The following TIAM2 variants were observed in gnomAD, a reference collection of about 807,000 sequenced individuals.
TIAM2 encodes the protein TIAM Rac1 associated GEF 2, also known as rho guanine nucleotide exchange factor TIAM2.
In TIAM2, 80 loss-of-function variants were observed where a neutral mutation model predicts 152.9. The observed-to-expected ratio is 0.52, with a 90% CI of 0.44 to 0.63. TIAM2 has a LOEUF of 0.63. TIAM2 is among the 30% of genes least tolerant of loss of function. TIAM2 has a pLI of 0.00. For missense variants in TIAM2, 1,965 were observed against 2,120.1 expected (o/e 0.93, Z 1.44); for synonymous variants, 804 against 838.0 (o/e 0.96, Z 0.70).
chr6:154,996,299 A>G (rs1448007094), intron 1 of TIAM2, among the ~76,000 whole-genome samples: 1 of 152,182 alleles, frequency 6.6e-6, no homozygotes, highest in East Asian at 1.9e-4. Flanking sequence ...ATAGACAAAT[A>G]GGTTAACTTT....
Position 155,183,440 on chromosome 6 carries a change from C to T in TIAM2, c.3004C>T (p.Pro1002Ser), listed in dbSNP as rs760994235. The T allele has an allele frequency of 2.5e-5, 40 of 1,613,974 alleles. No homozygotes were observed. Among genetic ancestry groups the T allele is most frequent in the African/African-American group, 1.2e-4 (9 of 74,896 alleles). Residue 1002 changes from proline (P) to serine (S), a missense_variant, in exon 14 of 27, where the codon CCT becomes TCT. Pro to Ser is a moderately conservative substitution (Grantham distance 74). Transcript: ENST00000682666. ...SRDQKSLLPP[P>S]NQSQLLEEFL... ...GGACCAGAAGAGTCTGCTGCCCCCT[C>T]CTAACCAGTCCCAACTGCTGGAGGA...
chr6:155,226,635 A>C (rs1455150163), intron 15 of TIAM2, among the ~76,000 whole-genome samples: 1 of 145,604 alleles, frequency 6.9e-6, no homozygotes, highest in Non-Finnish European at 1.5e-5. Context: ...ACTGCACTCC[A>C]GCCTGAGCAA....
chr6:155,119,849 G>A (rs939591585), intron 2 of TIAM2, among the ~76,000 whole-genome samples: 1 of 152,162 alleles, frequency 6.6e-6, no homozygotes, highest in African/African-American at 2.4e-5. Flanking sequence ...CAAGAATTTA[G>A]TTTCATGAAA....
chr6:155,063,611 G>A (rs1019869080), intron 1 of TIAM2, among the ~76,000 whole-genome samples: 3 of 151,890 alleles, frequency 2.0e-5, no homozygotes, highest in Non-Finnish European at 4.4e-5. Flanking sequence ...GTGAAACCCC[G>A]TCTCTACTAA....
chr6:155,153,944 T>G (rs1331781160), intron 7 of TIAM2, among the ~76,000 whole-genome samples: 1 of 152,160 alleles, frequency 6.6e-6, no homozygotes, highest in Non-Finnish European at 1.5e-5. Flanking sequence ...ACTTTTTACC[T>G]TCAGACACAA....
In TIAM2 at chr6:155,104,060, A is replaced by G. The variant is rs1314255866; in HGVS notation, c.-118+13681A>G. Among the ~76,000 whole-genome samples, 2 of 44,096 alleles carry G rather than the reference A, an allele frequency of 4.5e-5. 1 individual carries two copies. The highest frequency in any genetic ancestry group is 1.6e-4 in the African/African-American group (2 of 12,644). The allele number at this position is 44,096 out of a possible 152,430, so 28.9% of individuals were successfully genotyped here. ...CACACACCCCCCCCCCCACACCCCC[A>G]CACACCCCCACACACCAAATTAACA... On this transcript the variant is annotated intron_variant, in intron 2 of 26. Transcript: ENST00000682666.
chr6:155,068,908 G>T (rs1023263891), intron 1 of TIAM2, among the ~76,000 whole-genome samples: 9 of 151,858 alleles, frequency 5.9e-5, no homozygotes, highest in African/African-American at 2.2e-4. Context: ...ATAGCCCCTG[G>T]TAGCTGTTAG....
intron 14 of TIAM2, among the ~76,000 whole-genome samples, chr6:155,187,423 A>G (rs1245318736): frequency 6.6e-6 from 1 of 151,918 alleles, no homozygotes; most frequent in African/African-American, 2.4e-5. Context: ...ATTGATACTA[A>G]TAATGTTTAG....
In TIAM2 at chr6:155,182,287, C is replaced by T. The variant is rs759660331; in HGVS notation, c.2769C>T (p.Asp923=). 27 of 1,614,070 alleles carry T rather than the reference C, an allele frequency of 1.7e-5. No homozygotes were observed. The highest frequency in any genetic ancestry group is 1.6e-4 in the African/African-American group (12 of 74,938). The part of the protein sequence containing the change: ...RQHLSRIFIS[D]VLPDGLAYGE... ...ATCTCAGCCGGATATTTATAAGCGA[C>T]GTTCTTCCCGATGGCCTGGCGTATG... Residue 923 remains aspartate, a synonymous_variant, in exon 13 of 27, where the codon GAC becomes GAT. Coordinates refer to ENST00000682666, the MANE Select transcript of TIAM2 (RefSeq NM_012454.4).
chr6:155,168,337 A>G (rs746468555), intron 9 of TIAM2, among the ~76,000 whole-genome samples: 4 of 152,210 alleles, frequency 2.6e-5, no homozygotes, highest in South Asian at 2.1e-4. Context: ...GGTTAAAAGC[A>G]TATCAAGAAT....
At chr6:155,144,049 G>A (rs1053141022) in intron 5 of TIAM2, among the ~76,000 whole-genome samples, 3 of 152,178 alleles carry the variant, frequency 2.0e-5, no homozygotes, top group Non-Finnish European at 4.4e-5. Context: ...TCCCCTGCCT[G>A]CTCCTTTTCC....
At chr6:155,226,403 C>T (rs1782244938) in intron 15 of TIAM2, among the ~76,000 whole-genome samples, 1 of 152,144 alleles carries the variant, frequency 6.6e-6, no homozygotes, top group South Asian at 2.1e-4. Context: ...GGTGTGGTGG[C>T]TCACGCCTGT....
intron 1 of TIAM2, among the ~76,000 whole-genome samples, chr6:155,009,407 T>G (rs1213594803): frequency 2.0e-5 from 3 of 152,110 alleles, no homozygotes; most frequent in African/African-American, 7.2e-5. Flanking sequence ...TGGCCCTGAC[T>G]CAGAAGATCT....
chr6:155,033,567 A>G (rs1321242717), intron 1 of TIAM2, among the ~76,000 whole-genome samples: 2 of 152,070 alleles, frequency 1.3e-5, no homozygotes, highest in Non-Finnish European at 1.5e-5. Flanking sequence ...AAGCCGTGCC[A>G]AGTATGAGTT....
chr6:155,000,918 A>T (rs1778301581), intron 1 of TIAM2, among the ~76,000 whole-genome samples: 1 of 152,166 alleles, frequency 6.6e-6, no homozygotes, highest in African/African-American at 2.4e-5. Context: ...CGAGAGGTGG[A>T]GGTTGCAGTA....
In TIAM2 at chr6:155,137,735, A is replaced by G. The variant is rs376307075; in HGVS notation, c.1630+123A>G. ...ACATGAGGGGTTTGACACAGGATCCATGGGCTGCCTTCATGCAGATACTTT... is the reference window on the plus strand; with the variant it reads ...ACATGAGGGGTTTGACACAGGATCCGTGGGCTGCCTTCATGCAGATACTTT... On this transcript the variant is annotated intron_variant, in intron 5 of 26. Coordinates refer to ENST00000682666, the MANE Select transcript of TIAM2 (RefSeq NM_012454.4). 1.5e-5 allele frequency: 16 copies of G among 1,070,882 alleles called. No individual in the cohort carries two copies. In the East Asian group the frequency reaches 1.8e-4, roughly 12 times the overall value. The allele number at this position is 1,070,882 out of a possible 1,614,324, so 66.3% of individuals were successfully genotyped here. A position where few individuals can be genotyped will look rare whatever the true frequency, so the allele number is the denominator to read the frequency against.
At position 155,253,047 on chromosome 6, in the gene TIAM2, C is replaced by A; in HGVS notation, c.4219C>A (p.Pro1407Thr). 6.2e-7 allele frequency: 1 copy of A among 1,613,624 alleles called. No individual in the cohort carries two copies. The highest frequency in any genetic ancestry group is 2.2e-5 in the East Asian group (1 of 44,888). Residue 1407 changes from proline (P) to threonine (T), a missense_variant, in exon 24 of 27, where the codon CCA becomes ACA. Pro to Thr is a conservative substitution (Grantham distance 38). Coordinates refer to ENST00000682666, the MANE Select transcript of TIAM2 (RefSeq NM_012454.4). Reference protein sequence around the residue: ...ISALQVRLGNPAGTENNSIWE... With the variant: ...ISALQVRLGNTAGTENNSIWE... ...CGCGCTTCAAGTCAGACTGGGGAAT[C>A]CAGCAGGTAACTGTTTCGTGCAGTA...
intron 21 of TIAM2, chr6:155,250,630 G>T: frequency 6.5e-7 from 1 of 1,535,844 alleles, no homozygotes; most frequent in Non-Finnish European, 8.7e-7. Flanking sequence ...CACTGGTAGA[G>T]TTCATCTTAT....
At chr6:155,228,954 C>T (rs908670326) in intron 15 of TIAM2, among the ~76,000 whole-genome samples, 5 of 152,202 alleles carry the variant, frequency 3.3e-5, no homozygotes, top group Admixed American at 1.3e-4. Flanking sequence ...CCTGGGCATG[C>T]CCCCTAGGCA....
Sources: gnomAD v4.1 joint callset for allele counts (sites outside exome capture counted in the v4.1 genomes callset) on GRCh38, gnomAD v4.1.1 for gene constraint, MANE v1.5 for transcripts, NCBI Gene and HGNC (gene_info 2026-07-23, HGNC 2026-07-21) for gene names.